Variants in DONSON observed in about 807,000 individuals in gnomAD.
DONSON encodes the protein protein downstream neighbor of Son.
In DONSON, 43 loss-of-function variants were observed where a neutral mutation model predicts 62.1. That is an observed-to-expected ratio of 0.69 (90% CI 0.54 to 0.89). The LOEUF (loss-of-function observed/expected upper bound fraction) is 0.89. DONSON is among the 40% of genes least tolerant of loss of function. The pLI, the probability that DONSON is intolerant of heterozygous loss-of-function variation, is 0.00. For missense variants in DONSON, 696 were observed against 697.5 expected (o/e 1.00, Z 0.03); for synonymous variants, 266 against 264.6 (o/e 1.01, Z -0.05).
Position 33,579,716 on chromosome 21 carries a change from G to A in DONSON, c.1351-154C>T, listed in dbSNP as rs2145899568. The A allele has an allele frequency of 6.6e-6, 4 of 607,418 alleles. No homozygotes were observed. The South Asian group carries it at 9.1e-5, about 14-fold the overall frequency. 37.6% of individuals were successfully genotyped at this position (607,418 alleles called of 1,614,324 possible). On this transcript the variant is annotated intron_variant, in intron 8 of 9. Transcript: ENST00000303071. Reference sequence around the variant, plus strand: ...CCAAGACATCTAAACAATGTTATGTGAGTACAAATACTTAGTAAATTTTCA... The same window carrying A: ...CCAAGACATCTAAACAATGTTATGTAAGTACAAATACTTAGTAAATTTTCA...
chr21:33,586,958 CAAT>C (rs2086584303), intron 2 of DONSON, among the ~76,000 whole-genome samples: 1 of 152,078 alleles, frequency 6.6e-6, no homozygotes, highest in African/African-American at 2.4e-5. Flanking sequence ...TTTTATATCA[CAAT>C]AAAATATCAG....
Position 33,586,147 on chromosome 21 carries a change from G to A in DONSON, c.437C>T (p.Pro146Leu), listed in dbSNP as rs779615686. 8 of 1,614,018 alleles carry A rather than the reference G, an allele frequency of 5.0e-6. No homozygotes were observed. Among genetic ancestry groups the A allele is most frequent in the East Asian group, 4.5e-5 (2 of 44,872 alleles). The change falls in exon 3 of 10, where the codon CCG becomes CTG. Residue 146 changes from proline to leucine, a missense_variant. Physicochemically the swap from Pro to Leu is moderately conservative, Grantham distance 98. Transcript: ENST00000303071. ...SHVSFSEPDIPSSKSTELPVD... is the reference protein window; with the variant it reads ...SHVSFSEPDILSSKSTELPVD... ...AGGTAACTCAGTACTTTTTGAGGAC[G>A]GAATATCAGGCTCGGAGAATGATAC... is the stretch of plus-strand genomic sequence containing the variant.
Position 33,577,645 on chromosome 21 carries a change from A to ACCCCTATAAG in DONSON, c.*661_*662insCTTATAGGGG, listed in dbSNP as rs1212138982. 10 of 73,564 alleles carry ACCCCTATAAG rather than the reference A, an allele frequency of 1.4e-4. No individual in the cohort carries two copies. Among genetic ancestry groups the ACCCCTATAAG allele is most frequent in the African/African-American group, 2.3e-4 (4 of 17,158 alleles). The allele number at this position is 73,564 out of a possible 1,614,324, so 4.6% of individuals were successfully genotyped here. ...CACACACACACACACACACACACAC[A>ACCCCTATAAG]CACACACACACACACACACACACAC... On this transcript the variant is annotated 3_prime_UTR_variant, in exon 10 of 10. Coordinates refer to ENST00000303071, the MANE Select transcript of DONSON (RefSeq NM_017613.4).
rs373262818 is a variant in DONSON, at chr21:33,581,967, T to C, written c.1135A>G (p.Ile379Val). The change falls in exon 7 of 10, where the codon ATA becomes GTA. Residue 379 changes from isoleucine to valine, a missense_variant. Transcript: ENST00000303071. ...GVQDKIKKPD[I>V]LSIKLRKEKH... ...AAAGGATACAGCTTGATAGAAAGTA[T>C]GTCTGGCTTTTTAATTTTATCTTGC... 202 of 1,614,116 alleles carry C rather than the reference T, an allele frequency of 1.3e-4. No individual in the cohort carries two copies. The highest frequency in any genetic ancestry group is 9.9e-4 in the Middle Eastern group (6 of 6,060).
intron 5 of DONSON, among the ~76,000 whole-genome samples, chr21:33,583,020 T>A (rs1254479650): frequency 6.6e-6 from 1 of 151,342 alleles, no homozygotes; most frequent in East Asian, 1.9e-4. Flanking sequence ...GCTAACACGG[T>A]GAAACCCCGT....
chr21:33,579,278 A>G (rs1038337919), intron 9 of DONSON, 72 bp downstream of exon 9: 1 of 1,174,112 alleles, frequency 8.5e-7, no homozygotes, highest in African/African-American at 1.5e-5. Context: ...CTCAGCATAA[A>G]TGACTCAATT....
At chr21:33,578,499 A>ACT in intron 9 of DONSON, 55 bp from the exon 10 acceptor site, 1 of 1,528,076 alleles carries the variant, frequency 6.5e-7, no homozygotes, top group South Asian at 1.3e-5. Context: ...TAAACACAGA[A>ACT]GAGTTAAATA....
At position 33,588,655 on chromosome 21, in the gene DONSON, T is replaced by TGAGGGTAGCCGGCC; in HGVS notation, c.-28_-15dup. On this transcript the variant is annotated 5_prime_UTR_variant, in exon 1 of 10. Coordinates refer to ENST00000303071, the MANE Select transcript of DONSON (RefSeq NM_017613.4). ...CGAAAGGGCCATGACGCGCGGCGGC[T>TGAGGGTAGCCGGCC]GAGGGTAGCCGGCCGCCCTACAGAG... 1 of 1,230,934 alleles carries TGAGGGTAGCCGGCC rather than the reference T, an allele frequency of 8.1e-7. No individual in the cohort carries two copies. Among genetic ancestry groups the TGAGGGTAGCCGGCC allele is most frequent in the Non-Finnish European group, 1.0e-6 (1 of 986,380 alleles). The allele number at this position is 1,230,934 out of a possible 1,614,324, so 76.3% of individuals were successfully genotyped here.
intron 9 of DONSON, 68 bp downstream of exon 9, chr21:33,579,282 C>CT (rs2086477539): frequency 8.1e-7 from 1 of 1,235,406 alleles, no homozygotes; most frequent in Non-Finnish European, 1.1e-6. Flanking sequence ...GCATAAATGA[C>CT]TCAATTTCCC....
chr21:33,578,837 T>TA (rs2145897915), intron 9 of DONSON, among the ~76,000 whole-genome samples: 1 of 152,360 alleles, frequency 6.6e-6, no homozygotes, highest in African/African-American at 2.4e-5. Flanking sequence ...CAGTCACTGT[T>TA]AAAACTATTT....
At position 33,588,433 on chromosome 21, in the gene DONSON, C is replaced by T; in HGVS notation, c.209G>A (p.Gly70Asp). The change falls in exon 1 of 10, where the codon GGC (glycine) becomes GAC (aspartate). Residue 70 changes from glycine (G) to aspartate (D), a missense_variant. Gly to Asp is a moderately conservative substitution (Grantham distance 94). Transcript: ENST00000303071. Reference sequence around the variant, plus strand: ...GTTCCTCCGAGCAGCGGCCGGGCCGCCGCCGCTGCCACCGCCTCTGCCCCC... The same window carrying T: ...GTTCCTCCGAGCAGCGGCCGGGCCGTCGCCGCTGCCACCGCCTCTGCCCCC... ...AAGGRGGGSGGGPAAARRNPF... is the reference protein window; with the variant it reads ...AAGGRGGGSGDGPAAARRNPF... 2.3e-6 allele frequency: 3 copies of T among 1,309,974 alleles called. No individual in the cohort carries two copies. The highest frequency in any genetic ancestry group is 2.9e-6 in the Non-Finnish European group (3 of 1,029,866). 81.1% of individuals were successfully genotyped at this position (1,309,974 alleles called of 1,614,324 possible).
At position 33,578,348 on chromosome 21, in the gene DONSON, T is replaced by G. The variant is rs2086459676; in HGVS notation, c.1660A>C (p.Asn554His). ...TAAATGTAGTCTCTCAGCACCACAT[T>G]CCGTAAAGATGATTTCCCAAGTAAC... Reference protein sequence around the residue: ...IPLLGKSSLRNVVLRDYIYNW... With the variant: ...IPLLGKSSLRHVVLRDYIYNW... The change falls in exon 10 of 10, where the codon AAT becomes CAT. Residue 554 changes from asparagine (N) to histidine (H), a missense_variant. Asn to His is a moderately conservative substitution (Grantham distance 68, BLOSUM62 1). Coordinates refer to ENST00000303071, the MANE Select transcript of DONSON (RefSeq NM_017613.4). 7.4e-6 allele frequency: 12 copies of G among 1,614,052 alleles called. No individual in the cohort carries two copies. In the East Asian group the frequency reaches 2.7e-4, roughly 36 times the overall value.
In DONSON at chr21:33,584,652, C is replaced by T; in HGVS notation, c.723G>A (p.Met241Ile). Residue 241 changes from methionine (M) to isoleucine (I), a missense_variant, in exon 4 of 10, where the codon ATG (methionine) becomes ATA (isoleucine). Coordinates refer to ENST00000303071, the MANE Select transcript of DONSON (RefSeq NM_017613.4). ...TTGACCAAGGACTTGTCTTTCCAGC[C>T]ATTTTTCTATCAGCTCCAATACGAG... Reference protein sequence around the residue: ...LFPRIGADRKMAGKTSPWSND... With the variant: ...LFPRIGADRKIAGKTSPWSND... 6.2e-7 allele frequency: 1 copy of T among 1,613,126 alleles called. No homozygotes were observed.
At chr21:33,584,107 C>T (rs1452204023) in intron 4 of DONSON, among the ~76,000 whole-genome samples, 3 of 146,578 alleles carry the variant, frequency 2.0e-5, no homozygotes, top group Non-Finnish European at 3.0e-5. Context: ...TGCAGTGGCG[C>T]GATCTCGGCT....
chr21:33,579,779 T>C (rs2145899629), intron 8 of DONSON, among the ~76,000 whole-genome samples: 1 of 152,362 alleles, frequency 6.6e-6, no homozygotes, highest in East Asian at 1.9e-4. Context: ...AGGTGAAGTA[T>C]ATTCCAGAGA....
In DONSON at chr21:33,588,667, G is replaced by T; in HGVS notation, c.-26C>A. The T allele has an allele frequency of 1.6e-6, 2 of 1,229,370 alleles. No individual in the cohort carries two copies. Among genetic ancestry groups the T allele is most frequent in the Admixed American group, 8.6e-5 (2 of 23,378 alleles). The allele number at this position is 1,229,370 out of a possible 1,614,324, so 76.2% of individuals were successfully genotyped here. A position where few individuals can be genotyped will look rare whatever the true frequency, so the allele number is the denominator to read the frequency against. On this transcript the variant is annotated 5_prime_UTR_variant, in exon 1 of 10. Transcript: ENST00000303071. Reference sequence around the variant, plus strand: ...GACGCGCGGCGGCTGAGGGTAGCCGGCCGCCCTACAGAGACTTCCCGCGCG... The same window carrying T: ...GACGCGCGGCGGCTGAGGGTAGCCGTCCGCCCTACAGAGACTTCCCGCGCG...
rs1415923908 is a variant in DONSON, at chr21:33,578,177, CCTT to C, written c.*127_*129del. 9 of 950,394 alleles carry C rather than the reference CCTT, an allele frequency of 9.5e-6. No individual in the cohort carries two copies. Among genetic ancestry groups the C allele is most frequent in the Non-Finnish European group, 1.4e-5 (9 of 660,190 alleles). The allele number at this position is 950,394 out of a possible 1,614,324, so 58.9% of individuals were successfully genotyped here. ...TGAAAATAGTAAAACACATTTAAAA[CCTT>C]AGATGCTACTGTAGTAAAAGTTATG... On this transcript the variant is annotated 3_prime_UTR_variant, in exon 10 of 10. Transcript: ENST00000303071.
chr21:33,588,225 T>A, intron 1 of DONSON, 96 bp downstream of exon 1: 3 of 1,032,832 alleles, frequency 2.9e-6, no homozygotes, highest in Non-Finnish European at 2.5e-6. Context: ...GCCCATTTCC[T>A]TGCCTCGAAC....
intron 3 of DONSON, among the ~76,000 whole-genome samples, 170 bp downstream of exon 3, chr21:33,585,808 G>T (rs940254193): frequency 6.6e-6 from 1 of 150,964 alleles, no homozygotes; most frequent in South Asian, 2.1e-4. Flanking sequence ...AAAAAAAAAA[G>T]GTATGAAAGC....
Sources: allele counts gnomAD v4.1 joint callset (sites outside exome capture counted in the v4.1 genomes callset), GRCh38; gene constraint gnomAD v4.1.1; transcripts MANE v1.5; gene names NCBI Gene and HGNC (gene_info 2026-07-23, HGNC 2026-07-21).